PEMT: variants seen among roughly 807,000 people sequenced by gnomAD.
The protein encoded by PEMT is phospholipid methyltransferase.
Under a neutral mutation model 27.4 loss-of-function variants are expected in PEMT, and 23 were observed. The observed-to-expected ratio is 0.84, with a 90% CI of 0.60 to 1.19. The LOEUF is 1.19. Among genes scored for constraint, PEMT ranks in the 50% most tolerant of loss-of-function variants. The pLI is 0.00. For synonymous variants in PEMT, 137 were observed against 139.1 expected, an observed-to-expected ratio of 0.98 and a Z score of 0.11; for missense variants, 307 against 310.1, an observed-to-expected ratio of 0.99 and a Z score of 0.07.
At position 17,522,346 on chromosome 17, in the gene PEMT, G is replaced by A. The variant is rs1035350632; in HGVS notation, c.254C>T (p.Ser85Phe). 4 of 1,613,860 alleles carry A rather than the reference G, an allele frequency of 2.5e-6. No homozygotes were observed. The highest frequency in any genetic ancestry group is 1.7e-5 in the Admixed American group (1 of 60,004). Reference sequence around the variant, plus strand: ...TAGAGAGTAGCAGGCCAGGTAGGGGGATCCGAAGGCCCTGCTCAGCTTGCG... The same window carrying A: ...TAGAGAGTAGCAGGCCAGGTAGGGGAATCCGAAGGCCCTGCTCAGCTTGCG... ...KTRKLSRAFG[S>F]PYLACYSLSV... Residue 85 changes from serine (S) to phenylalanine (F), a missense_variant, in exon 3 of 7, where the codon TCC becomes TTC. Physicochemically the swap from Ser to Phe is radical, Grantham distance 155 (BLOSUM62 -2). Coordinates refer to ENST00000255389, the MANE Select transcript of PEMT (RefSeq NM_148172.3).
intron 2 of PEMT, among the ~76,000 whole-genome samples, chr17:17,542,650 G>A (rs1193565064): frequency 6.6e-6 from 1 of 152,218 alleles, no homozygotes; most frequent in Non-Finnish European, 1.5e-5. Context: ...TAATGACAGT[G>A]ACCACAATCC....
At chr17:17,555,054 C>A (rs1016322641) in intron 2 of PEMT, among the ~76,000 whole-genome samples, 10 of 152,138 alleles carry the variant, frequency 6.6e-5, no homozygotes, top group African/African-American at 2.4e-4. Flanking sequence ...CACTAATGGG[C>A]ACAGCTCTAA....
chr17:17,586,386 AAC>A (rs1168765400), intron 1 of PEMT, among the ~76,000 whole-genome samples: 9 of 152,052 alleles, frequency 5.9e-5, no homozygotes, highest in Admixed American at 3.3e-4. Context: ...CAGCCTTGGG[AAC>A]AGCCTGCAGT....
chr17:17,545,331 G>A (rs904911121), intron 2 of PEMT, among the ~76,000 whole-genome samples: 6 of 152,226 alleles, frequency 3.9e-5, no homozygotes, highest in Non-Finnish European at 7.3e-5. Context: ...GGGTGTGCCC[G>A]GAGGTCACAT....
At chr17:17,558,528 C>CA (rs1476435434) in intron 2 of PEMT, among the ~76,000 whole-genome samples, 1 of 149,330 alleles carries the variant, frequency 6.7e-6, no homozygotes, top group African/African-American at 2.5e-5. Context: ...AAACAAAAAA[C>CA]AAAAAAAATT....
At chr17:17,564,833 A>T (rs763209559) in intron 2 of PEMT, among the ~76,000 whole-genome samples, 6 of 152,184 alleles carry the variant, frequency 3.9e-5, no homozygotes, top group Non-Finnish European at 7.4e-5. Context: ...TCAGCCTGGT[A>T]GGGGTGCCCT....
upstream of PEMT, chr17:17,591,764 A>G (rs946838802): frequency 4.6e-5 from 66 of 1,441,110 alleles, no homozygotes; most frequent in Non-Finnish European, 5.7e-5. Flanking sequence ...CCTTCTGGGA[A>G]ATGTAGTTCC....
intron 2 of PEMT, among the ~76,000 whole-genome samples, chr17:17,552,908 G>A (rs1327493776): frequency 2.0e-5 from 3 of 152,134 alleles, no homozygotes; most frequent in African/African-American, 7.2e-5. Flanking sequence ...CTCATCCCTT[G>A]CCCCCTTTCC....
chr17:17,527,833 G>A (rs1907790166), intron 2 of PEMT, among the ~76,000 whole-genome samples: 2 of 152,252 alleles, frequency 1.3e-5, no homozygotes, highest in Non-Finnish European at 2.9e-5. Flanking sequence ...CTCGCCGGCT[G>A]CCAGGCCTCT....
chr17:17,511,479 C>T (rs1906391975), intron 4 of PEMT, among the ~76,000 whole-genome samples: 1 of 152,218 alleles, frequency 6.6e-6, no homozygotes. Flanking sequence ...TGCCCTGTGA[C>T]AGCCCACGGT....
intron 5 of PEMT, chr17:17,507,213 G>A: frequency 1.3e-6 from 2 of 1,484,394 alleles, no homozygotes; most frequent in South Asian, 1.2e-5. Context: ...CTGCCAGGGA[G>A]GAGGGAGGGA....
intron 2 of PEMT, among the ~76,000 whole-genome samples, chr17:17,556,058 G>C (rs1190343138): frequency 2.6e-5 from 4 of 152,240 alleles, no homozygotes; most frequent in African/African-American, 9.6e-5. Context: ...GCCACTCCTG[G>C]GGAAGGGCAC....
chr17:17,568,636 G>T (rs1455307757), intron 2 of PEMT, among the ~76,000 whole-genome samples: 1 of 152,302 alleles, frequency 6.6e-6, no homozygotes, highest in South Asian at 2.1e-4. Flanking sequence ...CACCTACAAG[G>T]TCGGCTTTCC....
intron 3 of PEMT, among the ~76,000 whole-genome samples, chr17:17,521,923 AC>A (rs1173517703): frequency 6.6e-6 from 1 of 151,820 alleles, no homozygotes; most frequent in Admixed American, 6.6e-5. Flanking sequence ...GTCAGGCCTG[AC>A]CCCTGAGGGC....
At chr17:17,531,580 GC>G (rs1454890426) in intron 2 of PEMT, among the ~76,000 whole-genome samples, 3 of 123,246 alleles carry the variant, frequency 2.4e-5, no homozygotes, top group Non-Finnish European at 4.7e-5. Context: ...AGAAAGGACA[GC>G]CTTTCCACAG....
intron 2 of PEMT, among the ~76,000 whole-genome samples, chr17:17,571,457 G>A (rs1369919781): frequency 6.6e-6 from 1 of 152,046 alleles, no homozygotes; most frequent in Non-Finnish European, 1.5e-5. Context: ...CAACAGAGTG[G>A]AGGAGATGCC....
chr17:17,592,014 G>T (rs112037260), upstream of PEMT: 7 of 985,470 alleles, frequency 7.1e-6, no homozygotes, highest in African/African-American at 8.7e-5. Flanking sequence ...GAGGCCGGGG[G>T]CCGCGGGTCG....
rs1912589984 is a variant in PEMT, at chr17:17,591,532, T to A, written c.95A>T (p.Gln32Leu). 7.4e-6 allele frequency: 12 copies of A among 1,611,192 alleles called. No individual in the cohort carries two copies. Among genetic ancestry groups the A allele is most frequent in the Non-Finnish European group, 1.0e-5 (12 of 1,177,724 alleles). ...CGGLGNIDFRQADFCVMTRLL... is the reference protein window; with the variant it reads ...CGGLGNIDFRLADFCVMTRLL... ...GCGGCGGTCCGGTGCGGTCAGTACC[T>A]GTCTAAAATCAATATTGCCGAGGCC... The change falls in exon 1 of 7, where the codon CAG (glutamine) becomes CTG (leucine). Residue 32 changes from glutamine (Q) to leucine (L), a missense_variant and splice_region_variant. Coordinates refer to ENST00000255389, the MANE Select transcript of PEMT (RefSeq NM_148172.3).
chr17:17,563,740 C>T lies in PEMT; in HGVS notation c.204+13180G>A, dbSNP rs139289754. 4.1e-3 allele frequency among the ~76,000 whole-genome samples: 623 copies of T among 152,276 alleles called. 5 individuals carry two copies. Among genetic ancestry groups the T allele is most frequent in the African/African-American group, 0.014 (597 of 41,558 alleles). On this transcript the variant is annotated intron_variant, in intron 2 of 6. Coordinates refer to ENST00000255389, the MANE Select transcript of PEMT (RefSeq NM_148172.3). ...TCCTCAGCCAACCCTGAGGAAGGGACGCTATGCTCATCTTAGAGGAAAGAC... is the reference window on the plus strand; with the variant it reads ...TCCTCAGCCAACCCTGAGGAAGGGATGCTATGCTCATCTTAGAGGAAAGAC...
Sources: gnomAD v4.1 joint callset for allele counts (sites outside exome capture counted in the v4.1 genomes callset) on GRCh38, gnomAD v4.1.1 for gene constraint, MANE v1.5 for transcripts, NCBI Gene and HGNC (gene_info 2026-07-23, HGNC 2026-07-21) for gene names.